The following FGF12 variants were observed in gnomAD, a reference collection of about 807,000 sequenced individuals.
FGF12 encodes the protein fibroblast growth factor 12B.
In FGF12, 14 loss-of-function variants were observed where a neutral mutation model predicts 23.6. The observed-to-expected ratio is 0.59, with a 90% CI of 0.39 to 0.93. The LOEUF (loss-of-function observed/expected upper bound fraction) is 0.93. Ranked by LOEUF, FGF12 falls within the 40% of genes least tolerant of loss-of-function variation. The pLI is 0.00. For synonymous variants in FGF12, 62 were observed against 77.3 expected, an observed-to-expected ratio of 0.80 and a Z score of 1.04; for missense variants, 175 against 217.8, an observed-to-expected ratio of 0.80 and a Z score of 1.24.
chr3:192,178,925 A>G lies in FGF12; in HGVS notation c.229-8269T>C, dbSNP rs1038749997. On this transcript the variant is annotated intron_variant, in intron 4 of 5. Coordinates refer to ENST00000445105, the MANE Select transcript of FGF12 (RefSeq NM_004113.6). ...CTTCCAACACAATTTATATCCAACA[A>G]CTCCAGAGACAGAGTCCTTTCGGTT... Among the ~76,000 whole-genome samples the G allele has an allele frequency of 3.9e-5, 6 of 152,058 alleles. 1 individual carries two copies. Among genetic ancestry groups the G allele is most frequent in the African/African-American group, 1.4e-4 (6 of 41,486 alleles).
intron 2 of FGF12, among the ~76,000 whole-genome samples, chr3:192,439,293 C>A (rs1722123246): frequency 6.6e-6 from 1 of 152,180 alleles, no homozygotes. Context: ...GATTTTAGAG[C>A]ATCTACTGGT....
At chr3:192,441,153 C>T (rs573595899) in intron 2 of FGF12, among the ~76,000 whole-genome samples, 4 of 152,310 alleles carry the variant, frequency 2.6e-5, no homozygotes, top group Admixed American at 6.5e-5. Context: ...AATTATTTCA[C>T]TTTCTTGGGC....
chr3:192,413,780 AG>A (rs1025681883), intron 2 of FGF12, among the ~76,000 whole-genome samples: 1 of 152,210 alleles, frequency 6.6e-6, no homozygotes, highest in African/African-American at 2.4e-5. Context: ...CTCTGAGATC[AG>A]GCCCCTGACT....
At chr3:192,685,050 A>G (rs1215457783) in intron 2 of FGF12, among the ~76,000 whole-genome samples, 1 of 152,102 alleles carries the variant, frequency 6.6e-6, no homozygotes, top group Non-Finnish European at 1.5e-5. Context: ...AAGATTACAA[A>G]GTTAGTATCT....
At position 192,336,582 on chromosome 3, in the gene FGF12, T is replaced by TGCA. The variant is rs1560075697; in HGVS notation, c.125-1121_125-1119dup. 6.6e-6 allele frequency among the ~76,000 whole-genome samples: 1 copy of TGCA among 152,180 alleles called. No homozygotes were observed. Among genetic ancestry groups the TGCA allele is most frequent in the African/African-American group, 2.4e-5 (1 of 41,452 alleles). Reference sequence around the variant, plus strand: ...ATGAATTAAGTATCTCACGGCTGTATGCATAAGAGAATATCTCTGCAGTTC... The same window carrying TGCA: ...ATGAATTAAGTATCTCACGGCTGTATGCAGCATAAGAGAATATCTCTGCAGTTC... On this transcript the variant is annotated intron_variant, in intron 3 of 5. Transcript: ENST00000445105. This position sits in a 1 kb window ranked among gnomAD's most constrained non-coding sequence, Gnocchi z 4.3.
At chr3:192,493,087 C>T (rs1723848928) in intron 2 of FGF12, among the ~76,000 whole-genome samples, 1 of 150,174 alleles carries the variant, frequency 6.7e-6, no homozygotes, top group Admixed American at 6.7e-5. Flanking sequence ...AATGTGTAAT[C>T]ATGGGAATTA....
intron 4 of FGF12, among the ~76,000 whole-genome samples, chr3:192,262,126 A>C (rs1712793815): frequency 6.6e-6 from 1 of 152,196 alleles, no homozygotes; most frequent in African/African-American, 2.4e-5. Flanking sequence ...TTAGCTAACA[A>C]ACCTTGGTGA....
chr3:192,444,894 C>T (rs1051974765), intron 2 of FGF12, among the ~76,000 whole-genome samples: 1 of 152,162 alleles, frequency 6.6e-6, no homozygotes, highest in African/African-American at 2.4e-5. Flanking sequence ...ACGGTGAATC[C>T]GTCCTCAGGT....
At chr3:192,151,118 G>C (rs891541651) in intron 5 of FGF12, among the ~76,000 whole-genome samples, 4 of 136,048 alleles carry the variant, frequency 2.9e-5, no homozygotes, top group African/African-American at 1.1e-4. Context: ...CTCTCTGTTT[G>C]TCTGTTGTTG....
chr3:192,598,815 C>T (rs1194374063), intron 2 of FGF12, among the ~76,000 whole-genome samples: 1 of 152,122 alleles, frequency 6.6e-6, no homozygotes, highest in Non-Finnish European at 1.5e-5. Flanking sequence ...ACACTTTCCT[C>T]TCACTCTAAA....
At chr3:192,489,928 T>C (rs576797978) in intron 2 of FGF12, among the ~76,000 whole-genome samples, 1 of 152,158 alleles carries the variant, frequency 6.6e-6, no homozygotes, top group East Asian at 1.9e-4. Context: ...CAAACCCCCA[T>C]GACACATGTT....
chr3:192,219,588 G>A (rs1440096116), intron 4 of FGF12, among the ~76,000 whole-genome samples: 1 of 150,494 alleles, frequency 6.6e-6, no homozygotes, highest in East Asian at 2.3e-4. Context: ...CTGGGCTACA[G>A]TAGCATAAAT....
intron 2 of FGF12, among the ~76,000 whole-genome samples, chr3:192,599,638 C>T (rs918386796): frequency 1.4e-4 from 22 of 152,096 alleles, no homozygotes; most frequent in African/African-American, 5.1e-4. Flanking sequence ...AAGATTTACT[C>T]ATTTATTAAC....
chr3:192,722,693 A>G (rs963143628), intron 2 of FGF12, among the ~76,000 whole-genome samples: 2 of 152,208 alleles, frequency 1.3e-5, no homozygotes, highest in African/African-American at 4.8e-5. Context: ...AATTAAGGCT[A>G]TCCAACGCAT....
intron 4 of FGF12, among the ~76,000 whole-genome samples, chr3:192,187,324 T>C (rs1382161645): frequency 1.3e-5 from 2 of 152,188 alleles, no homozygotes; most frequent in African/African-American, 4.8e-5. Flanking sequence ...TTATAATTTA[T>C]CATAAACAGG....
intron 2 of FGF12, among the ~76,000 whole-genome samples, chr3:192,373,714 T>C (rs967635162): frequency 3.9e-5 from 6 of 152,140 alleles, no homozygotes; most frequent in African/African-American, 1.2e-4. Flanking sequence ...GAAACACAGA[T>C]ACAGGGAACT....
intron 2 of FGF12, among the ~76,000 whole-genome samples, chr3:192,375,663 CCT>C (rs1368444480): frequency 6.6e-6 from 1 of 151,556 alleles, no homozygotes; most frequent in Non-Finnish European, 1.5e-5. Flanking sequence ...CATTATAACC[CCT>C]CTTTCCCCCC....
chr3:192,253,354 A>G (rs1318502136), intron 4 of FGF12, among the ~76,000 whole-genome samples: 2 of 152,120 alleles, frequency 1.3e-5, no homozygotes, highest in African/African-American at 2.4e-5. Flanking sequence ...ACATTGAGAA[A>G]TCATGACTCC....
At chr3:192,638,284 C>T (rs539879259) in intron 2 of FGF12, among the ~76,000 whole-genome samples, 1 of 152,076 alleles carries the variant, frequency 6.6e-6, no homozygotes, top group African/African-American at 2.4e-5. Flanking sequence ...TTAGACATAG[C>T]CTTAGTGACA....
Sources: allele counts gnomAD v4.1 joint callset (sites outside exome capture counted in the v4.1 genomes callset), GRCh38; gene constraint gnomAD v4.1.1; non-coding constraint Gnocchi (gnomAD v3.1); transcripts MANE v1.5; gene names NCBI Gene and HGNC (gene_info 2026-07-23, HGNC 2026-07-21).